Variants in IMMP2L observed in about 807,000 individuals in gnomAD.
IMMP2L encodes the protein mitochondrial inner membrane protease subunit 2.
A neutral mutation model predicts 19.3 loss-of-function variants in IMMP2L; 18 were observed. The ratio of observed to expected loss-of-function variants is 0.93; its 90% CI spans 0.64 to 1.38. The LOEUF is 1.38. IMMP2L is among the 40% of genes most tolerant of loss of function. The probability of loss-of-function intolerance (pLI) is 0.00; values close to 1 mark genes in which losing one functional copy is unlikely to be tolerated. For missense variants in IMMP2L, 233 were observed against 218.2 expected, an observed-to-expected ratio of 1.07 and a Z score of -0.43; for synonymous variants, 76 against 73.0, an observed-to-expected ratio of 1.04 and a Z score of -0.21.
intron 2 of IMMP2L, among the ~76,000 whole-genome samples, chr7:111,503,977 C>T (rs913663060): frequency 4.6e-5 from 7 of 152,002 alleles, no homozygotes; most frequent in Non-Finnish European, 8.8e-5. Context: ...CCAGTGCAAT[C>T]AGGCAGGAGA....
intron 5 of IMMP2L, among the ~76,000 whole-genome samples, chr7:110,858,026 C>T (rs1806988007): frequency 6.6e-6 from 1 of 152,048 alleles, no homozygotes; most frequent in Non-Finnish European, 1.5e-5. Context: ...CAAACAGATG[C>T]CTAACTACAG....
At chr7:110,777,322 C>T (rs1008552199) in intron 5 of IMMP2L, among the ~76,000 whole-genome samples, 10 of 151,972 alleles carry the variant, frequency 6.6e-5, no homozygotes, top group Admixed American at 3.9e-4. Flanking sequence ...TGAGCTATGA[C>T]AACCCCACGA....
chr7:111,320,322 T>C (rs1824551294), intron 3 of IMMP2L, among the ~76,000 whole-genome samples: 1 of 152,112 alleles, frequency 6.6e-6, no homozygotes, highest in African/African-American at 2.4e-5. Flanking sequence ...ACTCTGCCTC[T>C]TCCCATTCTT....
At chr7:111,263,309 C>A (rs1326737461) in intron 3 of IMMP2L, among the ~76,000 whole-genome samples, 1 of 152,046 alleles carries the variant, frequency 6.6e-6, no homozygotes, top group Non-Finnish European at 1.5e-5. Flanking sequence ...TGCATATATT[C>A]TGAAGAAAGA....
chr7:111,285,180 A>C (rs146858417), intron 3 of IMMP2L, among the ~76,000 whole-genome samples: 1 of 152,316 alleles, frequency 6.6e-6, no homozygotes, highest in Non-Finnish European at 1.5e-5. Context: ...GAGGAAATGA[A>C]GGAACACAAG....
intron 3 of IMMP2L, among the ~76,000 whole-genome samples, chr7:111,474,323 T>G: frequency 6.6e-6 from 1 of 152,064 alleles, no homozygotes; most frequent in East Asian, 1.9e-4. Context: ...GAATCTAAAA[T>G]AAAAGTTGAA....
intron 3 of IMMP2L, among the ~76,000 whole-genome samples, chr7:111,068,353 T>C (rs186252511): frequency 4.5e-4 from 69 of 152,326 alleles, no homozygotes; most frequent in African/African-American, 1.6e-3. Flanking sequence ...ATATTTTGTA[T>C]AGAATAATTT....
intron 3 of IMMP2L, among the ~76,000 whole-genome samples, chr7:111,391,225 TC>T (rs1832325208): frequency 6.6e-6 from 1 of 152,042 alleles, no homozygotes; most frequent in Admixed American, 6.6e-5. Context: ...CAGGAGCAGC[TC>T]TCTTGCTGAT....
At chr7:110,867,369 A>G (rs1808082184) in intron 5 of IMMP2L, among the ~76,000 whole-genome samples, 1 of 151,994 alleles carries the variant, frequency 6.6e-6, no homozygotes, top group African/African-American at 2.4e-5. Context: ...TCCAAATATC[A>G]TTACATTGGG....
intron 1 of IMMP2L, among the ~76,000 whole-genome samples, chr7:111,547,505 A>ACCC (rs36099268): frequency 7.4e-6 from 1 of 135,820 alleles, no homozygotes; most frequent in African/African-American, 2.8e-5. Context: ...AAACTGTCAT[A>ACCC]CCCCCCCCCC....
chr7:111,559,192 A>G (rs1791730203), intron 1 of IMMP2L, among the ~76,000 whole-genome samples: 1 of 152,208 alleles, frequency 6.6e-6, no homozygotes, highest in South Asian at 2.1e-4. Context: ...AAGTGAAACC[A>G]GATGTCTGGT....
intron 3 of IMMP2L, chr7:111,124,281 C>G: frequency 1.2e-6 from 2 of 1,613,768 alleles, no homozygotes; most frequent in Non-Finnish European, 1.7e-6. Flanking sequence ...ACCTAGTTGG[C>G]GCTGACTTGA....
intron 5 of IMMP2L, among the ~76,000 whole-genome samples, chr7:110,734,453 T>G (rs189629677): frequency 4.5e-4 from 68 of 152,320 alleles, no homozygotes; most frequent in African/African-American, 1.6e-3. Flanking sequence ...AATCAAAGTT[T>G]TGAGAATGTG....
chr7:111,404,295 G>A (rs1258582879), intron 3 of IMMP2L, among the ~76,000 whole-genome samples: 1 of 152,006 alleles, frequency 6.6e-6, no homozygotes, highest in Non-Finnish European at 1.5e-5. Flanking sequence ...ATTACTGAGA[G>A]TCTTCAAGCA....
intron 4 of IMMP2L, among the ~76,000 whole-genome samples, chr7:110,927,816 GA>G (rs1815022740): frequency 6.6e-6 from 1 of 152,096 alleles, no homozygotes; most frequent in African/African-American, 2.4e-5. Flanking sequence ...AGCAGCAATA[GA>G]AAACTATATA....
chr7:111,152,323 T>A (rs1324406588), intron 3 of IMMP2L, among the ~76,000 whole-genome samples: 1 of 152,128 alleles, frequency 6.6e-6, no homozygotes, highest in Non-Finnish European at 1.5e-5. Context: ...GCATTACCGT[T>A]ATTTAAACCA....
intron 5 of IMMP2L, among the ~76,000 whole-genome samples, chr7:110,714,553 G>C (rs1436004294): frequency 6.6e-6 from 1 of 152,048 alleles, no homozygotes; most frequent in Non-Finnish European, 1.5e-5. Flanking sequence ...ATGACTGATA[G>C]AATTTGGCTG....
chr7:111,054,857 CA>C (rs1793349560), intron 3 of IMMP2L, among the ~76,000 whole-genome samples: 1 of 152,194 alleles, frequency 6.6e-6, no homozygotes, highest in South Asian at 2.1e-4. Context: ...ATTTAAAGAA[CA>C]ATAGTAAAAG....
chr7:111,526,977 T>C (rs866143181), intron 1 of IMMP2L, among the ~76,000 whole-genome samples: 1 of 152,130 alleles, frequency 6.6e-6, no homozygotes, highest in Non-Finnish European at 1.5e-5. Context: ...ATTTCCTGAA[T>C]TGTGAGCCTC....
Sources: allele counts gnomAD v4.1 joint callset (sites outside exome capture counted in the v4.1 genomes callset), GRCh38; gene constraint gnomAD v4.1.1; transcripts MANE v1.5; gene names NCBI Gene and HGNC (gene_info 2026-07-23, HGNC 2026-07-21).